The following NSD1 variants were observed in gnomAD, a reference collection of about 807,000 sequenced individuals.
The protein encoded by NSD1 is histone-lysine N-methyltransferase, H3 lysine-36 specific.
NSD1 carries 26 observed loss-of-function variants against 242.7 expected under a neutral mutation model. The observed-to-expected ratio is 0.11, with a 90% CI of 0.08 to 0.15. NSD1 has a LOEUF of 0.15. Ranked by LOEUF, NSD1 falls within the 10% of genes least tolerant of loss-of-function variation. The pLI, the probability that NSD1 is intolerant of heterozygous loss-of-function variation, is 1.00. For missense variants in NSD1, 2,495 were observed against 3,272.8 expected, an observed-to-expected ratio of 0.76 and a Z score of 5.80; for synonymous variants, 1,106 against 1,178.1, an observed-to-expected ratio of 0.94 and a Z score of 1.25.
intron 9 of NSD1, among the ~76,000 whole-genome samples, chr5:177,246,417 A>G (rs1766298265): frequency 6.6e-6 from 1 of 152,198 alleles, no homozygotes; most frequent in Non-Finnish European, 1.5e-5. Flanking sequence ...TGTCATTTCA[A>G]TCATATAAAT....
chr5:177,206,189 A>G (rs1052899546), intron 4 of NSD1, among the ~76,000 whole-genome samples: 1 of 152,044 alleles, frequency 6.6e-6, no homozygotes, highest in African/African-American at 2.4e-5. Context: ...TAGTAGAGAC[A>G]GGGTTTCACC....
chr5:177,275,731 C>T (rs1008117079), intron 17 of NSD1, among the ~76,000 whole-genome samples: 1 of 152,050 alleles, frequency 6.6e-6, no homozygotes, highest in Non-Finnish European at 1.5e-5. Context: ...CTGCGCCCGG[C>T]CTCCCTTTTC....
chr5:177,217,416 A>G (rs1053878938), intron 5 of NSD1, among the ~76,000 whole-genome samples: 9 of 152,138 alleles, frequency 5.9e-5, no homozygotes, highest in African/African-American at 2.2e-4. Flanking sequence ...ATAAAGGTTC[A>G]TGTCATCTGC....
At position 177,140,361 on chromosome 5, in the gene NSD1, G is replaced by C. The variant is rs451958; in HGVS notation, c.927+4331G>C. On this transcript the variant is annotated intron_variant, in intron 2 of 22. Coordinates refer to ENST00000439151, the MANE Select transcript of NSD1 (RefSeq NM_022455.5). ...GCTTGGGTAGGATGGATGTAGTCAGGTAATGGGGCCTAGAAATTCAGACTG... is the reference window on the plus strand; with the variant it reads ...GCTTGGGTAGGATGGATGTAGTCAGCTAATGGGGCCTAGAAATTCAGACTG... Among the ~76,000 whole-genome samples the C allele has an allele frequency of 3.5e-3, 540 of 152,282 alleles. 1 individual carries two copies. The highest frequency in any genetic ancestry group is 5.6e-3 in the Non-Finnish European group (379 of 68,016).
intron 17 of NSD1, among the ~76,000 whole-genome samples, chr5:177,277,386 T>C (rs898784395): frequency 6.6e-6 from 1 of 152,188 alleles, no homozygotes; most frequent in Non-Finnish European, 1.5e-5. Flanking sequence ...ATATTACATA[T>C]GGCTGCTTTT....
At position 177,291,994 on chromosome 5, in the gene NSD1, A is replaced by G. The variant is rs901138155; in HGVS notation, c.6299A>G (p.Lys2100Arg). The change falls in exon 22 of 23, where the codon AAG becomes AGG. Residue 2100 changes from lysine (K) to arginine (R), a missense_variant. Physicochemically the swap from Lys to Arg is conservative, Grantham distance 26 (BLOSUM62 2). Transcript: ENST00000439151. The part of the protein sequence containing the change: ...IATEEKSKKF[K>R]KKQQGKRRTQ... ...ACGGAAGAAAAGTCAAAGAAATTCA[A>G]GAAGAAGCAACAGGGAAAGCGCAGG... 2.5e-6 allele frequency: 4 copies of G among 1,614,020 alleles called. No individual in the cohort carries two copies. The highest frequency in any genetic ancestry group is 3.4e-6 in the Non-Finnish European group (4 of 1,179,950).
At chr5:177,264,157 T>A (rs779559382) in intron 14 of NSD1, among the ~76,000 whole-genome samples, 1 of 150,418 alleles carries the variant, frequency 6.6e-6, no homozygotes, top group Non-Finnish European at 1.5e-5. Context: ...TGCCTTAGCC[T>A]CCTGAGTAGC....
intron 14 of NSD1, among the ~76,000 whole-genome samples, chr5:177,263,832 G>T (rs1310996360): frequency 6.6e-6 from 1 of 152,014 alleles, no homozygotes; most frequent in Non-Finnish European, 1.5e-5. Flanking sequence ...TCAAGAAAAA[G>T]AACTGCAAAA....
At chr5:177,200,673 T>C (rs1762445349) in intron 3 of NSD1, among the ~76,000 whole-genome samples, 1 of 152,230 alleles carries the variant, frequency 6.6e-6, no homozygotes, top group Admixed American at 6.5e-5. Flanking sequence ...TATTGACCCC[T>C]TACTTCATTT....
chr5:177,185,789 TTATA>T (rs1158888825), intron 2 of NSD1, among the ~76,000 whole-genome samples: 47 of 23,796 alleles, frequency 2.0e-3, no homozygotes, highest in African/African-American at 5.2e-3. Context: ...TATATGTATA[TTATA>T]TATATATATA....
At position 177,211,857 on chromosome 5, in the gene NSD1, A is replaced by C; in HGVS notation, c.3458A>C (p.Gln1153Pro). The change falls in exon 5 of 23, where the codon CAA (glutamine) becomes CCA (proline). Residue 1153 changes from glutamine (Q) to proline (P), a missense_variant. Gln to Pro is a moderately conservative substitution (Grantham distance 76). Coordinates refer to ENST00000439151, the MANE Select transcript of NSD1 (RefSeq NM_022455.5). ...SENDELNGVN[Q>P]VVPKKRWQRL... is the part of the protein sequence containing the mutation. ...AATGATGAACTCAATGGTGTAAATC[A>C]AGTGGTGCCTAAAAAGCGGTGGCAG... 1 of 1,613,260 alleles carries C rather than the reference A, an allele frequency of 6.2e-7. No individual in the cohort carries two copies. Among genetic ancestry groups the C allele is most frequent in the Non-Finnish European group, 8.5e-7 (1 of 1,179,596 alleles).
chr5:177,289,909 G>C (rs1759655246), intron 21 of NSD1, among the ~76,000 whole-genome samples: 1 of 150,214 alleles, frequency 6.7e-6, no homozygotes, highest in Middle Eastern at 3.4e-3. Context: ...CTCACTGCAA[G>C]CTCCGTCTCC....
rs183312449 is a variant in NSD1, at chr5:177,259,781, G to A, written c.4967-208G>A. Among the ~76,000 whole-genome samples the A allele has an allele frequency of 4.9e-3, 745 of 152,232 alleles. 3 individuals carry two copies. Among genetic ancestry groups the A allele is most frequent in the Non-Finnish European group, 7.3e-3 (499 of 68,014 alleles). ...TTGAAGCAGGCTCACTGACAGTTACGGGATTTGATTCCTTTTGGAGACTTA... is the reference window on the plus strand; with the variant it reads ...TTGAAGCAGGCTCACTGACAGTTACAGGATTTGATTCCTTTTGGAGACTTA... On this transcript the variant is annotated intron_variant, in intron 13 of 22. Coordinates refer to ENST00000439151, the MANE Select transcript of NSD1 (RefSeq NM_022455.5).
intron 8 of NSD1, among the ~76,000 whole-genome samples, chr5:177,240,358 G>T (rs1386616368): frequency 6.6e-6 from 1 of 151,938 alleles, no homozygotes; most frequent in Non-Finnish European, 1.5e-5. Context: ...TTTTTTGGTA[G>T]AGACTGGGTA....
intron 4 of NSD1, among the ~76,000 whole-genome samples, chr5:177,207,952 CAG>C (rs1173662520): frequency 6.6e-6 from 1 of 151,178 alleles, no homozygotes; most frequent in Non-Finnish European, 1.5e-5. Context: ...TTAGTAGAGA[CAG>C]GGTCTGGTTG....
At chr5:177,213,385 A>C (rs543228806) in intron 5 of NSD1, among the ~76,000 whole-genome samples, 14 of 152,372 alleles carry the variant, frequency 9.2e-5, no homozygotes, top group African/African-American at 3.4e-4. Flanking sequence ...AGAGTTGTGC[A>C]ACAATCAGTG....
intron 21 of NSD1, among the ~76,000 whole-genome samples, chr5:177,290,438 C>T (rs932577671): frequency 1.4e-5 from 2 of 145,188 alleles, no homozygotes; most frequent in East Asian, 2.0e-4. Flanking sequence ...GACGGAGTCT[C>T]GCTCTGTTGC....
At chr5:177,207,417 G>A (rs1762965427) in intron 4 of NSD1, among the ~76,000 whole-genome samples, 1 of 151,358 alleles carries the variant, frequency 6.6e-6, no homozygotes, top group Non-Finnish European at 1.5e-5. Flanking sequence ...CGAGTAGCTG[G>A]GACTACAGGT....
rs534984968 is a variant in NSD1 at position 177,171,319 on chromosome 5, G to C, written c.928-20565G>C. On this transcript the variant is annotated intron_variant, in intron 2 of 22. Transcript: ENST00000439151. ...AGACTCCGTCTCCAAAAAAAAAAAA[G>C]GAAACCTTGTACGCTTTAGTTACCA... Among the ~76,000 whole-genome samples, 89 of 151,398 alleles carry C rather than the reference G, an allele frequency of 5.9e-4. 1 individual carries two copies. Among genetic ancestry groups the C allele is most frequent in the African/African-American group, 2.1e-3 (86 of 41,326 alleles).
Sources: gnomAD v4.1 joint callset for allele counts (sites outside exome capture counted in the v4.1 genomes callset) on GRCh38, gnomAD v4.1.1 for gene constraint, MANE v1.5 for transcripts, NCBI Gene and HGNC (gene_info 2026-07-23, HGNC 2026-07-21) for gene names.